The following PIN4 variants were observed in gnomAD, a reference collection of about 807,000 sequenced individuals.
The protein encoded by PIN4 is peptidylprolyl cis/trans isomerase, NIMA-interacting 4.
Under a neutral mutation model 8.3 loss-of-function variants are expected in PIN4, and 3 were observed. The ratio of observed to expected loss-of-function variants is 0.36; its 90% confidence interval spans 0.16 to 0.93. The LOEUF (loss-of-function observed/expected upper bound fraction) is 0.93. PIN4 is among the 40% of genes least tolerant of loss of function. The probability of loss-of-function intolerance (pLI) is 0.44; values close to 1 mark genes in which losing one functional copy is unlikely to be tolerated. For synonymous variants in PIN4, 18 were observed against 32.5 expected (o/e 0.55, Z 1.52); for missense variants, 75 against 100.6 (o/e 0.75, Z 1.09).
intron 2 of PIN4, among the ~76,000 whole-genome samples, chrX:72,189,839 C>T (rs2042722763): frequency 9.0e-6 from 1 of 111,389 alleles, no homozygotes; most frequent in Admixed American, 9.6e-5. Flanking sequence ...TGAAGGACAG[C>T]TGGGTTGTTT....
chrX:72,185,154 A>AAAAAAACAAAC (rs1556391300), intron 1 of PIN4, among the ~76,000 whole-genome samples: 1 of 103,216 alleles, frequency 9.7e-6, no homozygotes, highest in East Asian at 2.9e-4. Flanking sequence ...TCTCAAAAAA[A>AAAAAAACAAAC]AAAAAAAAAA....
intron 1 of PIN4, among the ~76,000 whole-genome samples, chrX:72,183,184 G>A (rs1457282870): frequency 1.8e-5 from 2 of 111,639 alleles, no homozygotes; most frequent in Non-Finnish European, 1.9e-5. Context: ...GTAACATCAA[G>A]GATACATGAG....
chrX:72,231,630 T>G (rs901416229), intron 3 of PIN4, among the ~76,000 whole-genome samples: 6 of 110,762 alleles, frequency 5.4e-5, no homozygotes, highest in Non-Finnish European at 1.1e-4. Flanking sequence ...CTCAGGTTAC[T>G]GCAGCCTCCG....
intron 2 of PIN4, among the ~76,000 whole-genome samples, chrX:72,190,952 C>G (rs78024332): frequency 3.3e-5 from 2 of 61,055 alleles, no homozygotes; most frequent in Admixed American, 2.0e-4. Flanking sequence ...GACTCCATCT[C>G]AAAAAAAAAA....
intron 3 of PIN4, among the ~76,000 whole-genome samples, chrX:72,228,896 A>C (rs1302340477): frequency 9.0e-6 from 1 of 111,302 alleles, no homozygotes. Context: ...GGATGTGCTT[A>C]TCGCTGTCTT....
chrX:72,232,057 T>C (rs1400822705), intron 3 of PIN4, among the ~76,000 whole-genome samples: 1 of 109,489 alleles, frequency 9.1e-6, no homozygotes, highest in Non-Finnish European at 1.9e-5. Flanking sequence ...CCAGCCTAGA[T>C]GACAGAGCGA....
At chrX:72,210,093 G>A (rs1160536058) in intron 3 of PIN4, among the ~76,000 whole-genome samples, 1 of 108,598 alleles carries the variant, frequency 9.2e-6, no homozygotes, top group Non-Finnish European at 1.9e-5. Flanking sequence ...GGCCGGGTGC[G>A]GTGGCTCATG....
Position 72,214,578 on chromosome X carries a change from C to T in PIN4, c.312+17674C>T, listed in dbSNP as rs758817123. On this transcript the variant is annotated intron_variant, in intron 3 of 3. Coordinates refer to the PIN4 transcript ENST00000423432. The stretch of plus-strand genomic sequence containing the variant: ...ATCCCATCTACTCTGGAGGCAAAGG[C>T]AGGAGAATCATGTGAACCAGGGAGG... Among the ~76,000 whole-genome samples, 5 of 105,322 alleles carry T rather than the reference C, an allele frequency of 4.7e-5. No individual in the cohort carries two copies. The South Asian group carries it at 2.2e-3, about 46-fold the overall frequency. 91.5% of individuals were successfully genotyped at this position (105,322 alleles called of 115,157 possible).
At chrX:72,245,927 C>T (rs758740703) in intron 3 of PIN4, among the ~76,000 whole-genome samples, 17 of 111,631 alleles carry the variant, frequency 1.5e-4, no homozygotes, top group Admixed American at 4.8e-4. Flanking sequence ...GATAGAGAAA[C>T]CTTTGACAAG....
intron 3 of PIN4, among the ~76,000 whole-genome samples, chrX:72,233,370 G>A (rs1489292363): frequency 1.8e-5 from 2 of 111,778 alleles, no homozygotes; most frequent in African/African-American, 6.5e-5. Flanking sequence ...TAGATTAGAA[G>A]TTCAAGAAAC....
At chrX:72,222,514 G>A (rs1183083901) in intron 3 of PIN4, among the ~76,000 whole-genome samples, 2 of 110,573 alleles carry the variant, frequency 1.8e-5, no homozygotes, top group African/African-American at 3.3e-5. Flanking sequence ...GTCTCCTCAC[G>A]GGCATGAACA....
downstream of PIN4, among the ~76,000 whole-genome samples, chrX:72,201,389 C>T (rs1031641799): frequency 1.1e-4 from 12 of 111,190 alleles, no homozygotes; most frequent in Admixed American, 9.6e-5. Flanking sequence ...CTCAGGAGTT[C>T]GAGACCAGCC....
intron 3 of PIN4, among the ~76,000 whole-genome samples, chrX:72,223,340 T>TAAAA (rs769062677): frequency 3.6e-5 from 3 of 82,770 alleles, no homozygotes; most frequent in Admixed American, 1.3e-4. Context: ...AACTCTGTCT[T>TAAAA]AAAAAAAAAA....
At chrX:72,213,433 G>A (rs766991616) in intron 3 of PIN4, among the ~76,000 whole-genome samples, 9 of 111,627 alleles carry the variant, frequency 8.1e-5, no homozygotes, top group Non-Finnish European at 1.7e-4. Context: ...AACCTCGTCT[G>A]GGTCCCTCCC....
downstream of PIN4, among the ~76,000 whole-genome samples, chrX:72,200,771 G>A (rs148510364): frequency 0.026 from 2,943 of 111,672 alleles, 100 homozygotes; most frequent in African/African-American, 0.089. Flanking sequence ...ACTGTCTCTG[G>A]GAATGGGAAT....
chrX:72,201,980 T>C (rs1449116806), downstream of PIN4, among the ~76,000 whole-genome samples: 2 of 112,747 alleles, frequency 1.8e-5, no homozygotes, highest in Non-Finnish European at 3.7e-5. Flanking sequence ...GAGGATTCCA[T>C]TGGTTACTTG....
intron 1 of PIN4, among the ~76,000 whole-genome samples, chrX:72,184,769 T>C (rs756009615): frequency 9.0e-6 from 1 of 111,572 alleles, no homozygotes; most frequent in Non-Finnish European, 1.9e-5. Flanking sequence ...CAAACATTTA[T>C]TAAAACACCT....
chrX:72,185,166 A>AAAAAAAAAAAC (rs57247339), intron 1 of PIN4, among the ~76,000 whole-genome samples: 1 of 104,304 alleles, frequency 9.6e-6, no homozygotes, highest in Admixed American at 1.0e-4. Flanking sequence ...AAAAAAAAAA[A>AAAAAAAAAAAC]CAACTTTTCA....
At chrX:72,186,592 A>G in intron 2 of PIN4, 58 bp downstream of exon 2, 1 of 761,901 alleles carries the variant, frequency 1.3e-6, no homozygotes, top group East Asian at 3.4e-5. Flanking sequence ...ATGTGTTAGT[A>G]CACATAAAAG....
Sources: allele counts gnomAD v4.1 joint callset (sites outside exome capture counted in the v4.1 genomes callset), GRCh38; gene constraint gnomAD v4.1.1; transcripts MANE v1.5; gene names NCBI Gene and HGNC (gene_info 2026-07-23, HGNC 2026-07-21).